The following ASAP3 variants were observed in gnomAD, a reference collection of about 807,000 sequenced individuals.
ASAP3 encodes the protein arf-GAP with SH3 domain, ANK repeat and PH domain-containing protein 3.
In ASAP3, 85 loss-of-function variants were observed where a neutral mutation model predicts 118.2. The observed-to-expected ratio is 0.72, with a 90% CI of 0.60 to 0.86. ASAP3 has a LOEUF of 0.86. Ranked by LOEUF, ASAP3 falls within the 40% of genes least tolerant of loss-of-function variation. ASAP3 has a pLI of 0.00. For synonymous variants in ASAP3, 432 were observed against 477.4 expected (o/e 0.90, Z 1.24); for missense variants, 1,026 against 1,175.0 (o/e 0.87, Z 1.85).
intron 5 of ASAP3, among the ~76,000 whole-genome samples, chr1:23,450,346 G>A (rs931154661): frequency 3.3e-5 from 5 of 152,118 alleles, no homozygotes; most frequent in South Asian, 2.1e-4. Context: ...TGGCACACCC[G>A]TTTGATTGAT....
Position 23,439,343 on chromosome 1 carries a change from C to T in ASAP3, c.945-113G>A, listed in dbSNP as rs796345091. ...ATGATCTCTAGCCACATCCCTTTACCTCTTTCTTCTCCTAACCCTACACCC... is the reference window on the plus strand; with the variant it reads ...ATGATCTCTAGCCACATCCCTTTACTTCTTTCTTCTCCTAACCCTACACCC... On this transcript the variant is annotated intron_variant, in intron 10 of 24. Transcript: ENST00000336689. 2.8e-5 allele frequency: 26 copies of T among 928,380 alleles called. No individual in the cohort carries two copies. In the African/African-American group the frequency reaches 3.4e-4, roughly 12 times the overall value. 57.5% of individuals were successfully genotyped at this position (928,380 alleles called of 1,614,324 possible).
In ASAP3 at chr1:23,431,034, C is replaced by T. The variant is rs1640408888; in HGVS notation, c.2637+1G>A. ...TCAAACCATGGTCCCAGAGTTCCTA[C>T]CGGCACGTTCCTTCTGGGCAGAGGC... On this transcript the variant is annotated splice_donor_variant, in intron 24 of 24. Transcript: ENST00000336689. LOFTEE classifies it high-confidence loss of function. The T allele has an allele frequency of 6.3e-7, 1 of 1,574,864 alleles. No individual in the cohort carries two copies. Among genetic ancestry groups the T allele is most frequent in the Non-Finnish European group, 8.6e-7 (1 of 1,162,208 alleles).
rs914941368 is a variant in ASAP3 at position 23,476,716 on chromosome 1, C to T, written c.129+7289G>A. Among the ~76,000 whole-genome samples, 13 of 152,364 alleles carry T rather than the reference C, an allele frequency of 8.5e-5. No homozygotes were observed. The East Asian group carries it at 2.5e-3, about 29-fold the overall frequency. On this transcript the variant is annotated intron_variant, in intron 1 of 24. Coordinates refer to ENST00000336689, the MANE Select transcript of ASAP3 (RefSeq NM_017707.4). ...CCACCCAAACTCAGCAGGTGCCACT[C>T]TTCCCTTTGCCCATCTCAGTGCTTT...
At chr1:23,479,662 G>A (rs1280524155) in intron 1 of ASAP3, 1 of 152,136 alleles carries the variant, frequency 6.6e-6, no homozygotes, top group Non-Finnish European at 1.5e-5. Context: ...AAAGAAAAAT[G>A]TAACTCCAAA....
At chr1:23,469,265 C>T (rs1641886420) in intron 1 of ASAP3, among the ~76,000 whole-genome samples, 1 of 152,122 alleles carries the variant, frequency 6.6e-6, no homozygotes, top group African/African-American at 2.4e-5. Context: ...CTGATTGCAC[C>T]ACTGCACTCC....
At chr1:23,478,248 T>C (rs1362974589) in intron 1 of ASAP3, among the ~76,000 whole-genome samples, 1 of 152,032 alleles carries the variant, frequency 6.6e-6, no homozygotes, top group Non-Finnish European at 1.5e-5. Flanking sequence ...GTGGATCACC[T>C]GAGGTCAGGA....
At chr1:23,429,958 T>G in intron 24 of ASAP3, 28 bp from the exon 25 acceptor site, 1 of 1,600,226 alleles carries the variant, frequency 6.2e-7, no homozygotes, top group South Asian at 1.1e-5. Flanking sequence ...AAACTGACAT[T>G]TTCAAAGCAC....
At chr1:23,455,671 C>A (rs565883728) in intron 3 of ASAP3, among the ~76,000 whole-genome samples, 1 of 152,138 alleles carries the variant, frequency 6.6e-6, no homozygotes, top group South Asian at 2.1e-4. Context: ...AGGAGGAGAA[C>A]AGAGAGAAGA....
At chr1:23,458,934 G>C (rs967441191) in intron 1 of ASAP3, among the ~76,000 whole-genome samples, 4 of 151,986 alleles carry the variant, frequency 2.6e-5, no homozygotes, top group South Asian at 2.1e-4. Flanking sequence ...ACTCTGGGAG[G>C]CCAAGGCAGT....
chr1:23,446,657 C>T (rs1443080356), intron 5 of ASAP3, among the ~76,000 whole-genome samples: 3 of 152,084 alleles, frequency 2.0e-5, no homozygotes, highest in Non-Finnish European at 4.4e-5. Flanking sequence ...AGGCTGGTCT[C>T]GAACTCCTGA....
In ASAP3 at chr1:23,433,121, G is replaced by T; in HGVS notation, c.2279C>A (p.Ser760Tyr). The T allele has an allele frequency of 6.2e-7, 1 of 1,614,148 alleles. No individual in the cohort carries two copies. The highest frequency in any genetic ancestry group is 8.5e-7 in the Non-Finnish European group (1 of 1,180,012). Residue 760 changes from serine (S) to tyrosine (Y), a missense_variant, in exon 22 of 25, where the codon TCT becomes TAT. Physicochemically the swap from Ser to Tyr is moderately radical, Grantham distance 144. Transcript: ENST00000336689. ...ACACCCTTGGACCAAAGTCCGAGAA[G>T]AGTTTTTGACTGGCAAGGGCGGGGG... is the stretch of plus-strand genomic sequence containing the variant. The part of the protein sequence containing the change: ...DCPPPLPVKN[S>Y]SRTLVQGCAR...
At chr1:23,466,888 G>A (rs1003510772) in intron 1 of ASAP3, among the ~76,000 whole-genome samples, 1 of 151,804 alleles carries the variant, frequency 6.6e-6, no homozygotes, top group East Asian at 1.9e-4. Flanking sequence ...ATTATTTTGA[G>A]ATGAAATCTC....
chr1:23,456,332 T>C, intron 1 of ASAP3, 138 bp from the exon 2 acceptor site: 1 of 779,498 alleles, frequency 1.3e-6, no homozygotes, highest in Non-Finnish European at 2.1e-6. Context: ...CTCTGGAACT[T>C]ATCCCTAGGG....
chr1:23,435,918 A>G lies in ASAP3; in HGVS notation c.1682T>C (p.Leu561Pro). 1 of 1,614,276 alleles carries G rather than the reference A, an allele frequency of 6.2e-7. No individual in the cohort carries two copies. The highest frequency in any genetic ancestry group is 1.1e-5 in the South Asian group (1 of 91,090). The change falls in exon 17 of 25, where the codon CTG becomes CCG. Residue 561 changes from leucine (L) to proline (P), a missense_variant. Leu to Pro is a moderately conservative substitution (Grantham distance 98). Transcript: ENST00000336689. ...ATTGGCAAAGGCCTCCAGTACCGAC[A>G]GGAGGTCCCTGTTGCAAATGGCTGT... Reference protein sequence around the residue: ...LWTAICNRDLLSVLEAFANGQ... With the variant: ...LWTAICNRDLPSVLEAFANGQ...
intron 1 of ASAP3, among the ~76,000 whole-genome samples, chr1:23,483,237 G>A (rs962728401): frequency 2.0e-5 from 3 of 152,218 alleles, no homozygotes; most frequent in African/African-American, 7.2e-5. Context: ...TCCTTTGGAT[G>A]GGGAGCTGCA....
chr1:23,439,096 T>C (rs1453599006), intron 11 of ASAP3, 65 bp downstream of exon 11: 1 of 1,577,970 alleles, frequency 6.3e-7, no homozygotes, highest in African/African-American at 1.3e-5. Context: ...TGACATTATT[T>C]GCTCAGAACA....
intron 1 of ASAP3, among the ~76,000 whole-genome samples, chr1:23,466,653 G>A (rs1313375723): frequency 1.3e-5 from 2 of 152,160 alleles, no homozygotes; most frequent in Non-Finnish European, 2.9e-5. Context: ...TTCTGGGTCA[G>A]GATTCATCAA....
chr1:23,446,312 G>A (rs1016332738), intron 5 of ASAP3, among the ~76,000 whole-genome samples: 3 of 152,170 alleles, frequency 2.0e-5, no homozygotes, highest in Admixed American at 2.0e-4. Flanking sequence ...TGGAAAATGA[G>A]AATAATACTG....
chr1:23,433,797 G>A (rs1288150761), intron 19 of ASAP3, 104 bp from the exon 20 acceptor site: 1 of 1,464,076 alleles, frequency 6.8e-7, no homozygotes, highest in African/African-American at 1.4e-5. Context: ...TTTGAATCCT[G>A]GCTCTGCCAT....
Sources: allele counts gnomAD v4.1 joint callset (sites outside exome capture counted in the v4.1 genomes callset), GRCh38; gene constraint gnomAD v4.1.1; transcripts MANE v1.5; gene names NCBI Gene and HGNC (gene_info 2026-07-23, HGNC 2026-07-21).